The following UBAP2 variants were observed in gnomAD, a reference collection of about 807,000 sequenced individuals.
UBAP2 encodes the protein ubiquitin-associated protein 2.
A neutral mutation model predicts 139.6 loss-of-function variants in UBAP2; 75 were observed. The observed-to-expected ratio is 0.54, with a 90% CI of 0.45 to 0.65. The LOEUF (loss-of-function observed/expected upper bound fraction) is 0.65, where lower values mean the gene tolerates loss of function less well. Among genes scored for constraint, UBAP2 ranks in the 30% least tolerant of loss-of-function variants. The pLI, the probability that UBAP2 is intolerant of heterozygous loss-of-function variation, is 0.00. For synonymous variants in UBAP2, 526 were observed against 526.2 expected (o/e 1.00, Z 0.01); for missense variants, 1,368 against 1,369.6 (o/e 1.00, Z 0.02).
intron 17 of UBAP2, 194 bp downstream of exon 17, chr9:33,935,645 C>G (rs1249969444): frequency 1.4e-5 from 9 of 642,032 alleles, no homozygotes; most frequent in Non-Finnish European, 2.2e-5. Flanking sequence ...AGACCACCAC[C>G]TCCTTCTTGC....
At chr9:33,979,019 C>T (rs1820405034) in intron 6 of UBAP2, among the ~76,000 whole-genome samples, 1 of 152,186 alleles carries the variant, frequency 6.6e-6, no homozygotes, top group South Asian at 2.1e-4. Context: ...AGGAGGACTG[C>T]TTGGAGCCAG....
chr9:33,940,688 A>G (rs1156644468), intron 16 of UBAP2, among the ~76,000 whole-genome samples: 1 of 152,192 alleles, frequency 6.6e-6, no homozygotes, highest in African/African-American at 2.4e-5. Flanking sequence ...CTAGGGTGGG[A>G]GGACTCACTG....
chr9:33,978,408 ATAG>A (rs772967298), intron 6 of UBAP2, among the ~76,000 whole-genome samples: 1 of 152,148 alleles, frequency 6.6e-6, no homozygotes, highest in Non-Finnish European at 1.5e-5. Context: ...ATGTTAAAAC[ATAG>A]TAGGTGCTCA....
At chr9:34,047,259 G>A (rs1363420059) in intron 1 of UBAP2, among the ~76,000 whole-genome samples, 1 of 152,278 alleles carries the variant, frequency 6.6e-6, no homozygotes, top group South Asian at 2.1e-4. Flanking sequence ...AAAATCAGGA[G>A]TATGCTGGCA....
intron 10 of UBAP2, among the ~76,000 whole-genome samples, chr9:33,956,898 G>A (rs1023629081): frequency 1.3e-5 from 2 of 151,222 alleles, no homozygotes; most frequent in African/African-American, 4.9e-5. Flanking sequence ...CAGGAGGATT[G>A]CTTGAGGCCA....
chr9:33,924,021 C>CA (rs1823192930), intron 23 of UBAP2, 21 bp from the exon 24 acceptor site: 2 of 1,612,256 alleles, frequency 1.2e-6, no homozygotes, highest in African/African-American at 2.7e-5. Context: ...GCACTGACTC[C>CA]AGCCACTGCC....
chr9:33,989,203 CTTTT>C lies in UBAP2; in HGVS notation c.289-81_289-78del, dbSNP rs34957423. The C allele has an allele frequency of 2.9e-3, 3,457 of 1,181,950 alleles. 1 individual carries two copies. Among genetic ancestry groups the C allele is most frequent in the East Asian group, 0.01 (311 of 30,348 alleles). The allele number at this position is 1,181,950 out of a possible 1,614,324, so 73.2% of individuals were successfully genotyped here. A position where few individuals can be genotyped will look rare whatever the true frequency, so the allele number is the denominator to read the frequency against. ...ATCAAAGGCACATGCATGTATCTTT[CTTTT>C]TTTTTTTTTTTTTGAGACGGAGTCT... On this transcript the variant is annotated intron_variant, in intron 4 of 28. Coordinates refer to ENST00000379238, the MANE Select transcript of UBAP2 (RefSeq NM_001370062.2).
chr9:34,021,015 G>A (rs1236513325), intron 1 of UBAP2, among the ~76,000 whole-genome samples: 1 of 152,092 alleles, frequency 6.6e-6, no homozygotes, highest in Non-Finnish European at 1.5e-5. Flanking sequence ...GATGTGGAAA[G>A]ATATTCCACT....
At chr9:33,959,888 A>G (rs1261262058) in intron 10 of UBAP2, among the ~76,000 whole-genome samples, 2 of 152,142 alleles carry the variant, frequency 1.3e-5, no homozygotes, top group Non-Finnish European at 2.9e-5. Context: ...AGGTCAAACA[A>G]AACACAGATA....
intron 6 of UBAP2, among the ~76,000 whole-genome samples, chr9:33,973,588 A>T (rs1483106572): frequency 2.0e-5 from 3 of 152,246 alleles, no homozygotes. Context: ...GAGAACCAGA[A>T]AGAGGAAAAT....
intron 9 of UBAP2, 131 bp from the exon 10 acceptor site, chr9:33,961,009 C>T: frequency 1.3e-6 from 1 of 765,860 alleles, no homozygotes; most frequent in South Asian, 1.6e-5. Flanking sequence ...AGTTTACAAC[C>T]CAAGAAACAT....
chr9:33,943,893 CCT>C (rs1825443919), intron 14 of UBAP2, among the ~76,000 whole-genome samples: 1 of 151,878 alleles, frequency 6.6e-6, no homozygotes, highest in Non-Finnish European at 1.5e-5. Flanking sequence ...ACGGCGAGAC[CCT>C]GTCTCATTTA....
intron 16 of UBAP2, among the ~76,000 whole-genome samples, chr9:33,937,247 G>T (rs138591305): frequency 1.3e-5 from 2 of 152,152 alleles, no homozygotes; most frequent in African/African-American, 2.4e-5. Context: ...TCTGACAAAG[G>T]TTCAATTTAA....
chr9:33,960,101 T>G (rs982965409), intron 10 of UBAP2, among the ~76,000 whole-genome samples: 1 of 151,974 alleles, frequency 6.6e-6, no homozygotes, highest in East Asian at 1.9e-4. Context: ...AGGTAATTTT[T>G]TTATTATTTT....
intron 6 of UBAP2, among the ~76,000 whole-genome samples, chr9:33,978,911 T>C (rs567574986): frequency 6.6e-6 from 1 of 152,330 alleles, no homozygotes; most frequent in East Asian, 1.9e-4. Flanking sequence ...TTTTCTTCCA[T>C]CCAGAAGGAA....
chr9:33,960,052 C>T (rs904036769), intron 10 of UBAP2, among the ~76,000 whole-genome samples: 8 of 152,080 alleles, frequency 5.3e-5, no homozygotes, highest in Admixed American at 5.2e-4. Context: ...GCCTTAGCCT[C>T]CTGAGTAGCT....
At chr9:33,972,651 A>G (rs1410907530) in intron 7 of UBAP2, among the ~76,000 whole-genome samples, 1 of 152,176 alleles carries the variant, frequency 6.6e-6, no homozygotes, top group African/African-American at 2.4e-5. Flanking sequence ...ACAAAAAGTA[A>G]AAAAACACCC....
intron 1 of UBAP2, among the ~76,000 whole-genome samples, chr9:34,025,144 C>G (rs1825300595): frequency 6.6e-6 from 1 of 152,172 alleles, no homozygotes; most frequent in African/African-American, 2.4e-5. Flanking sequence ...ACACCTTCAA[C>G]TAACATACTG....
intron 4 of UBAP2, chr9:33,995,524 A>C (rs936506299): frequency 1.0e-5 from 1 of 96,392 alleles, no homozygotes; most frequent in Admixed American, 1.5e-4. Context: ...TAAATATATA[A>C]ATATATTTAT....
Sources: gnomAD v4.1 joint callset for allele counts (sites outside exome capture counted in the v4.1 genomes callset) on GRCh38, gnomAD v4.1.1 for gene constraint, MANE v1.5 for transcripts, NCBI Gene and HGNC (gene_info 2026-07-23, HGNC 2026-07-21) for gene names.